The following CREBBP variants were observed in gnomAD, a reference collection of about 807,000 sequenced individuals.
The protein encoded by CREBBP is CREB-binding protein.
A neutral mutation model predicts 265.0 loss-of-function variants in CREBBP; 19 were observed. That is an observed-to-expected ratio of 0.07 (90% CI 0.05 to 0.11). The LOEUF is 0.11. Among genes scored for constraint, CREBBP ranks in the 10% least tolerant of loss-of-function variants. The probability of loss-of-function intolerance (pLI) is 1.00; values close to 1 mark genes in which losing one functional copy is unlikely to be tolerated. For synonymous variants in CREBBP, 1,457 were observed against 1,223.7 expected (o/e 1.19, Z -3.98); for missense variants, 2,525 against 3,219.0 (o/e 0.78, Z 5.22).
At chr16:3,761,266 T>C (rs372078079) in intron 16 of CREBBP, among the ~76,000 whole-genome samples, 2 of 152,146 alleles carry the variant, frequency 1.3e-5, no homozygotes, top group East Asian at 1.9e-4. Flanking sequence ...GCTGAAAAGA[T>C]TTCTTACAAC....
Position 3,729,846 on chromosome 16 carries a change from T to G in CREBBP, c.5201A>C (p.Asn1734Thr). The change falls in exon 31 of 31, where the codon AAC (asparagine) becomes ACC (threonine). Residue 1734 changes from asparagine (N) to threonine (T), a missense_variant. Physicochemically the swap from Asn to Thr is moderately conservative, Grantham distance 65. This residue lies in a region of CREBBP where 62 missense variants were observed against 156.2 expected (regional missense o/e 0.40). Coordinates refer to ENST00000262367, the MANE Select transcript of CREBBP (RefSeq NM_004380.3). ...EDYDLCINCY[N>T]TKSHAHKMVK... ...CATCTTATGGGCATGGCTCTTCGTG[T>G]TATAGCAGTTGATGCAGAGGTCGTA... The G allele has an allele frequency of 6.2e-7, 1 of 1,603,178 alleles. No individual in the cohort carries two copies. The highest frequency in any genetic ancestry group is 8.5e-7 in the Non-Finnish European group (1 of 1,179,964).
rs1027596396 is a variant in CREBBP at position 3,727,790 on chromosome 16, C to T, written c.7257G>A (p.Ala2419=). 78 of 1,614,042 alleles carry T rather than the reference C, an allele frequency of 4.8e-5. No homozygotes were observed. Among genetic ancestry groups the T allele is most frequent in the Non-Finnish European group, 6.0e-5 (71 of 1,180,046 alleles). Residue 2419 remains alanine, a synonymous_variant, in exon 31 of 31, where the codon GCG becomes GCA. Coordinates refer to ENST00000262367, the MANE Select transcript of CREBBP (RefSeq NM_004380.3). ...LPQLNTPSRS[A]LSSELSLVGD... The stretch of plus-strand genomic sequence containing the variant: ...CGACCAGGGACAGTTCGCTGGACAG[C>T]GCACTCCTGCTGGGGGTGTTCAGCT...
intron 16 of CREBBP, among the ~76,000 whole-genome samples, chr16:3,764,436 G>C (rs377396787): frequency 1.8e-4 from 27 of 151,208 alleles, no homozygotes; most frequent in African/African-American, 6.3e-4. Flanking sequence ...CACCACACCT[G>C]GCTAATTTTT....
chr16:3,874,517 T>C (rs2055361057), intron 1 of CREBBP, among the ~76,000 whole-genome samples: 1 of 152,362 alleles, frequency 6.6e-6, no homozygotes, highest in South Asian at 2.1e-4. Context: ...CACTCGCCTA[T>C]GGCTACTTTC....
Position 3,731,859 on chromosome 16 carries a change from C to G in CREBBP, c.4807G>C (p.Ala1603Pro), listed in dbSNP as rs375557093. The G allele has an allele frequency of 2.5e-6, 4 of 1,614,232 alleles. No homozygotes were observed. Among genetic ancestry groups the G allele is most frequent in the Non-Finnish European group, 3.4e-6 (4 of 1,180,040 alleles). ...GGCATGCTGGGCTTCTTCTTGTTGGCGCGGCTGATGCTGCTTTTGTTCTTG... is the reference window on the plus strand; with the variant it reads ...GGCATGCTGGGCTTCTTCTTGTTGGGGCGGCTGATGCTGCTTTTGTTCTTG... ...TNKNKSSISRANKKKPSMPNV... is the reference protein window; with the variant it reads ...TNKNKSSISRPNKKKPSMPNV... The change falls in exon 29 of 31, where the codon GCC (alanine) becomes CCC (proline). Residue 1603 changes from alanine to proline, a missense_variant. This residue lies in a region of CREBBP where 93 missense variants were observed against 161.5 expected (regional missense o/e 0.58). Transcript: ENST00000262367. This position sits in a 1 kb window ranked among gnomAD's most constrained non-coding sequence, Gnocchi z 7.7.
In CREBBP at chr16:3,848,207, T is replaced by C. The variant is rs80142020; in HGVS notation, c.798+2090A>G. On this transcript the variant is annotated intron_variant, in intron 2 of 30. Coordinates refer to ENST00000262367, the MANE Select transcript of CREBBP (RefSeq NM_004380.3). The stretch of plus-strand genomic sequence containing the variant: ...AAAAAATTACAACATATGAGACCAC[T>C]GGAAACGTGACTATTCTGTGGATAC... 0.012 allele frequency among the ~76,000 whole-genome samples: 1,754 copies of C among 152,062 alleles called. 74 individuals are homozygous for C. In the East Asian group the frequency reaches 0.13, roughly 11 times the overall value.
intron 2 of CREBBP, chr16:3,812,865 C>A (rs565272345): frequency 1.3e-4 from 24 of 189,952 alleles, no homozygotes; most frequent in Non-Finnish European, 2.0e-4. Flanking sequence ...GGAAGGTCCC[C>A]GCATAGGGAA....
intron 2 of CREBBP, among the ~76,000 whole-genome samples, chr16:3,832,620 T>C (rs1335689020): frequency 6.6e-6 from 1 of 152,196 alleles, no homozygotes; most frequent in Non-Finnish European, 1.5e-5. Context: ...TGGAGGCAAC[T>C]GTAACAAAAT....
chr16:3,748,799 C>T (rs959415882), intron 21 of CREBBP, among the ~76,000 whole-genome samples: 8 of 152,228 alleles, frequency 5.3e-5, no homozygotes, highest in African/African-American at 1.9e-4. Context: ...TCTTTAGGGG[C>T]TGTTATGAAG....
intron 13 of CREBBP, among the ~76,000 whole-genome samples, chr16:3,771,966 A>G (rs1382891206): frequency 6.6e-6 from 1 of 151,900 alleles, no homozygotes; most frequent in Non-Finnish European, 1.5e-5. Context: ...GTGCAATACC[A>G]TGCCTAGCTA....
At position 3,802,114 on chromosome 16, in the gene CREBBP, A is replaced by ATTTTTTTTTTT. The variant is rs71133657; in HGVS notation, c.975+8478_975+8488dup. Among the ~76,000 whole-genome samples the ATTTTTTTTTTT allele has an allele frequency of 1.0e-3, 53 of 50,584 alleles. 11 individuals carry two copies. Among genetic ancestry groups the ATTTTTTTTTTT allele is most frequent in the African/African-American group, 1.9e-3 (21 of 10,780 alleles). 33.2% of individuals were successfully genotyped at this position (50,584 alleles called of 152,430 possible). A position where few individuals can be genotyped will look rare whatever the true frequency, so the allele number is the denominator to read the frequency against. ...TTTATATTTACTCTGGTATTCCTTA[A>ATTTTTTTTTTT]TTTTTTTTTTTTTTTTTTTTTTTTT... On this transcript the variant is annotated intron_variant, in intron 3 of 30. Coordinates refer to ENST00000262367, the MANE Select transcript of CREBBP (RefSeq NM_004380.3).
At chr16:3,862,607 C>G (rs1160515241) in intron 1 of CREBBP, among the ~76,000 whole-genome samples, 2 of 152,208 alleles carry the variant, frequency 1.3e-5, no homozygotes, top group Non-Finnish European at 2.9e-5. Context: ...TAACAACGAC[C>G]TTCCCCAAGA....
chr16:3,771,803 T>C (rs200700761), intron 13 of CREBBP, among the ~76,000 whole-genome samples: 2,655 of 131,682 alleles, frequency 0.02, 39 homozygotes, highest in African/African-American at 0.046. Flanking sequence ...AATTTAAAAC[T>C]TTTTTTTTTT....
intron 28 of CREBBP, among the ~76,000 whole-genome samples, chr16:3,732,746 G>A (rs1442391873): frequency 6.6e-6 from 1 of 151,780 alleles, no homozygotes; most frequent in Non-Finnish European, 1.5e-5. Context: ...TGTCACCCAA[G>A]CTGAAGTGCA....
At chr16:3,841,998 G>A (rs536980125) in intron 2 of CREBBP, among the ~76,000 whole-genome samples, 3 of 152,246 alleles carry the variant, frequency 2.0e-5, no homozygotes, top group African/African-American at 7.2e-5. Flanking sequence ...TGAGTACTGG[G>A]AGCTGATCTA....
intron 2 of CREBBP, among the ~76,000 whole-genome samples, chr16:3,818,265 T>G (rs1046236251): frequency 6.6e-6 from 1 of 150,816 alleles, no homozygotes; most frequent in Non-Finnish European, 1.5e-5. Context: ...AAACTCTCAG[T>G]GCAACAAGTG....
intron 3 of CREBBP, among the ~76,000 whole-genome samples, chr16:3,800,302 A>T (rs1283196418): frequency 1.3e-5 from 2 of 152,120 alleles, no homozygotes; most frequent in African/African-American, 4.8e-5. Context: ...AATTTTTTGT[A>T]GAGACAGAGT....
chr16:3,747,720 T>C (rs1283014758), intron 21 of CREBBP, among the ~76,000 whole-genome samples: 2 of 152,186 alleles, frequency 1.3e-5, no homozygotes, highest in African/African-American at 2.4e-5. Context: ...CCCAGCACTT[T>C]GGGAGGCCGA....
intron 2 of CREBBP, among the ~76,000 whole-genome samples, chr16:3,842,880 C>A (rs937275468): frequency 2.1e-5 from 3 of 144,860 alleles, no homozygotes; most frequent in Non-Finnish European, 4.5e-5. Flanking sequence ...GCAGGAGAAT[C>A]GCTTGAACCT....
Sources: allele counts gnomAD v4.1 joint callset (sites outside exome capture counted in the v4.1 genomes callset), GRCh38; gene constraint gnomAD v4.1.1; regional missense constraint gnomAD v4.1.1; non-coding constraint Gnocchi (gnomAD v3.1); transcripts MANE v1.5; gene names NCBI Gene and HGNC (gene_info 2026-07-23, HGNC 2026-07-21).